Variants in SLC1A2 observed in about 807,000 individuals in gnomAD.
The protein encoded by SLC1A2 is excitatory amino acid transporter 2.
SLC1A2 carries 15 observed loss-of-function variants against 48.8 expected under a neutral mutation model. The observed-to-expected ratio is 0.31, with a 90% CI of 0.21 to 0.47. SLC1A2 has a LOEUF of 0.47. SLC1A2 is among the 20% of genes least tolerant of loss of function. SLC1A2 has a pLI of 0.99. For missense variants in SLC1A2, 502 were observed against 730.5 expected (o/e 0.69, Z 3.61); for synonymous variants, 279 against 272.6 (o/e 1.02, Z -0.23).
chr11:35,358,176 AAC>A lies in SLC1A2; in HGVS notation c.18-40662_18-40661del, dbSNP rs532964125. On this transcript the variant is annotated intron_variant, in intron 1 of 10. Coordinates refer to ENST00000278379, the MANE Select transcript of SLC1A2 (RefSeq NM_004171.4). ...AAAGGGAGGTGGGGGAAGCCTAGAAAACAGATATAAAGTATGTAACATGATCT... is the reference window on the plus strand; with the variant it reads ...AAAGGGAGGTGGGGGAAGCCTAGAAAAGATATAAAGTATGTAACATGATCT... Among the ~76,000 whole-genome samples the A allele has an allele frequency of 3.3e-5, 5 of 152,318 alleles. No individual in the cohort carries two copies. In the South Asian group the frequency reaches 1.0e-3, roughly 32 times the overall value.
In SLC1A2 at chr11:35,385,087, T is replaced by C. The variant is rs983838686; in HGVS notation, c.17+33863A>G. On this transcript the variant is annotated intron_variant, in intron 1 of 10. Transcript: ENST00000278379. ...TCATACTATATCTGGAGAATACAAT[T>C]TCTAGAGGCCCCAGAGTGACCCAGT... 3.9e-5 allele frequency among the ~76,000 whole-genome samples: 6 copies of C among 152,208 alleles called. No individual in the cohort carries two copies. The East Asian group carries it at 1.2e-3, about 29-fold the overall frequency.
intron 1 of SLC1A2, among the ~76,000 whole-genome samples, chr11:35,345,294 TG>T (rs752123110): frequency 5.9e-5 from 9 of 152,280 alleles, no homozygotes; most frequent in Admixed American, 2.0e-4. Context: ...CTCCTGCTTT[TG>T]CAAACCCAGC....
chr11:35,358,594 CTGAG>C (rs1853564625), intron 1 of SLC1A2, among the ~76,000 whole-genome samples: 1 of 152,148 alleles, frequency 6.6e-6, no homozygotes, highest in South Asian at 2.1e-4. Flanking sequence ...TTCTGGTTTC[CTGAG>C]TAACTGCTAT....
chr11:35,419,222 G>T lies in SLC1A2; in HGVS notation c.-256C>A. 1 of 433,416 alleles carries T rather than the reference G, an allele frequency of 2.3e-6. No homozygotes were observed. Among genetic ancestry groups the T allele is most frequent in the South Asian group, 5.1e-5 (1 of 19,658 alleles). The allele number at this position is 433,416 out of a possible 1,614,324, so 26.8% of individuals were successfully genotyped here. On this transcript the variant is annotated 5_prime_UTR_variant, in exon 1 of 11. Transcript: ENST00000278379. This position sits in a 1 kb window ranked among gnomAD's most constrained non-coding sequence, Gnocchi z 5.4. ...CCTCCGCCCGCGGGGATGGCGCTTG[G>T]CGGGGAGCTCCGGGGGCTCCGAGGG...
rs922947334 is a variant in SLC1A2, at chr11:35,350,801, A to T, written c.18-33285T>A. The stretch of plus-strand genomic sequence containing the variant: ...AGATTGGAGCTGCTTGTTGGTCTGA[A>T]CCCAAATCTCCTACCAGGCACTGAA... On this transcript the variant is annotated intron_variant, in intron 1 of 10. Coordinates refer to ENST00000278379, the MANE Select transcript of SLC1A2 (RefSeq NM_004171.4). 5.9e-5 allele frequency among the ~76,000 whole-genome samples: 9 copies of T among 152,294 alleles called. No individual in the cohort carries two copies. In the South Asian group the frequency reaches 1.7e-3, roughly 28 times the overall value.
chr11:35,405,741 G>T (rs1286461168), intron 1 of SLC1A2, among the ~76,000 whole-genome samples: 1 of 152,170 alleles, frequency 6.6e-6, no homozygotes, highest in Non-Finnish European at 1.5e-5. Context: ...AAGATGAGCT[G>T]CTTCCCAACT....
intron 9 of SLC1A2, among the ~76,000 whole-genome samples, chr11:35,276,383 C>T (rs1290451495): frequency 6.6e-6 from 1 of 152,034 alleles, no homozygotes; most frequent in Admixed American, 6.6e-5. Flanking sequence ...TTCCCAGCTC[C>T]AGCCTAGGAT....
At chr11:35,354,625 C>T (rs1001772826) in intron 1 of SLC1A2, among the ~76,000 whole-genome samples, 1 of 152,022 alleles carries the variant, frequency 6.6e-6, no homozygotes, top group Non-Finnish European at 1.5e-5. Flanking sequence ...CTGCAAATCA[C>T]CCCCCAAAAC....
Position 35,255,067 on chromosome 11 carries a change from C to G in SLC1A2, c.*5827G>C, listed in dbSNP as rs1445381973. 6.4e-5 allele frequency: 20 copies of G among 311,764 alleles called. No homozygotes were observed. The highest frequency in any genetic ancestry group is 4.8e-4 in the South Asian group (18 of 37,318). 19.3% of individuals were successfully genotyped at this position (311,764 alleles called of 1,614,324 possible). A position where few individuals can be genotyped will look rare whatever the true frequency, so the allele number is the denominator to read the frequency against. On this transcript the variant is annotated 3_prime_UTR_variant, in exon 11 of 11. Coordinates refer to ENST00000278379, the MANE Select transcript of SLC1A2 (RefSeq NM_004171.4). The stretch of plus-strand genomic sequence containing the variant: ...TAATGGAAAAAAGCCGGCCGAAAAA[C>G]AAAACCCAATCCTTTCAGTCCTAGC...
Position 35,385,242 on chromosome 11 carries a change from G to A in SLC1A2, c.17+33708C>T, listed in dbSNP as rs182554134. Among the ~76,000 whole-genome samples, 42 of 152,276 alleles carry A rather than the reference G, an allele frequency of 2.8e-4. No homozygotes were observed. The East Asian group carries it at 6.7e-3, about 24-fold the overall frequency. ...CCCTCCCCTCCTTTTTATGAATTAG[G>A]GTAACAGATGGCTTTTTCAGTACAT... On this transcript the variant is annotated intron_variant, in intron 1 of 10. Transcript: ENST00000278379.
At chr11:35,379,393 T>C (rs541552772) in intron 1 of SLC1A2, among the ~76,000 whole-genome samples, 1 of 152,326 alleles carries the variant, frequency 6.6e-6, no homozygotes, top group South Asian at 2.1e-4. Flanking sequence ...ATTTAGACAA[T>C]GCAATTTCAA....
chr11:35,286,584 T>G, intron 8 of SLC1A2, 173 bp downstream of exon 8: 1 of 500,010 alleles, frequency 2.0e-6, no homozygotes, highest in Non-Finnish European at 3.6e-6. Context: ...ATAAGAGTCT[T>G]CTTTCTTGTC....
intron 4 of SLC1A2, among the ~76,000 whole-genome samples, chr11:35,311,456 A>T (rs1303600042): frequency 6.6e-6 from 1 of 152,314 alleles, no homozygotes; most frequent in East Asian, 1.9e-4. Flanking sequence ...CACCACGCCC[A>T]GCCAGGGTTG....
At chr11:35,357,243 C>T (rs930313561) in intron 1 of SLC1A2, among the ~76,000 whole-genome samples, 5 of 144,930 alleles carry the variant, frequency 3.4e-5, no homozygotes, top group East Asian at 2.0e-4. Flanking sequence ...GGCAACTGAG[C>T]GAGACTCTAT....
At chr11:35,261,404 G>A (rs1032496509) in intron 10 of SLC1A2, among the ~76,000 whole-genome samples, 3 of 152,178 alleles carry the variant, frequency 2.0e-5, no homozygotes, top group African/African-American at 4.8e-5. Context: ...GATGGCATAC[G>A]TGTCTAATTT....
intron 7 of SLC1A2, among the ~76,000 whole-genome samples, chr11:35,290,554 A>G (rs1206022715): frequency 1.3e-5 from 2 of 151,962 alleles, no homozygotes; most frequent in African/African-American, 4.8e-5. Context: ...GGCAAAGCTC[A>G]TTTTCTTCTT....
rs755805939 is a variant in SLC1A2 at position 35,390,480 on chromosome 11, G to A, written c.17+28470C>T. On this transcript the variant is annotated intron_variant, in intron 1 of 10. Transcript: ENST00000278379. ...GTTTGAGAAGCAATATTGAGGTTAC[G>A]TTTTACTGACCACTCGAAATGTGAC... Among the ~76,000 whole-genome samples the A allele has an allele frequency of 3.9e-5, 6 of 151,990 alleles. No individual in the cohort carries two copies. In the South Asian group the frequency reaches 8.3e-4, roughly 21 times the overall value.
rs1855330080 is a variant in SLC1A2, at chr11:35,407,372, T to C, written c.17+11578A>G. Among the ~76,000 whole-genome samples, 4 of 152,186 alleles carry C rather than the reference T, an allele frequency of 2.6e-5. No individual in the cohort carries two copies. The South Asian group carries it at 8.3e-4, about 32-fold the overall frequency. The stretch of plus-strand genomic sequence containing the variant: ...TAGCCTCAGGTTCTAACTCTTTCCT[T>C]CATCAGTATCTTCCACGGATAATTC... On this transcript the variant is annotated intron_variant, in intron 1 of 10. Coordinates refer to ENST00000278379, the MANE Select transcript of SLC1A2 (RefSeq NM_004171.4).
At chr11:35,353,118 A>G (rs1043363191) in intron 1 of SLC1A2, among the ~76,000 whole-genome samples, 5 of 152,270 alleles carry the variant, frequency 3.3e-5, no homozygotes, top group Admixed American at 2.6e-4. Context: ...CTACTATAGT[A>G]TGTCTCTTTT....
Sources: allele counts gnomAD v4.1 joint callset (sites outside exome capture counted in the v4.1 genomes callset), GRCh38; gene constraint gnomAD v4.1.1; non-coding constraint Gnocchi (gnomAD v3.1); transcripts MANE v1.5; gene names NCBI Gene and HGNC (gene_info 2026-07-23, HGNC 2026-07-21).